PTPRD: variants seen among roughly 807,000 people sequenced by gnomAD.
PTPRD encodes the protein receptor-type tyrosine-protein phosphatase delta.
In PTPRD, 34 loss-of-function variants were observed where a neutral mutation model predicts 214.5. The ratio of observed to expected loss-of-function variants is 0.16; its 90% CI spans 0.12 to 0.21. The LOEUF is 0.21. PTPRD is among the 10% of genes least tolerant of loss of function. The pLI is 1.00. For synonymous variants in PTPRD, 1,128 were observed against 845.7 expected (o/e 1.33, Z -5.79); for missense variants, 2,545 against 2,398.7 (o/e 1.06, Z -1.27).
At chr9:9,627,843 T>C (rs909170768) in intron 7 of PTPRD, among the ~76,000 whole-genome samples, 6 of 152,192 alleles carry the variant, frequency 3.9e-5, no homozygotes, top group African/African-American at 9.7e-5. Flanking sequence ...TTAGGTACTA[T>C]GCTAGGTGCT....
At chr9:9,571,085 G>A (rs2086236274) in intron 8 of PTPRD, among the ~76,000 whole-genome samples, 1 of 151,306 alleles carries the variant, frequency 6.6e-6, no homozygotes, top group African/African-American at 2.4e-5. Context: ...AACATTCTAA[G>A]AACGTATTTA....
At chr9:9,792,943 T>G (rs16930334) in intron 5 of PTPRD, among the ~76,000 whole-genome samples, 1,914 of 152,226 alleles carry the variant, frequency 0.013, 45 homozygotes, top group African/African-American at 0.044. Flanking sequence ...CTTAATAGAC[T>G]TGGGCAAACA....
chr9:10,098,012 T>G (rs1169069695), intron 3 of PTPRD, among the ~76,000 whole-genome samples: 2 of 151,820 alleles, frequency 1.3e-5, no homozygotes, highest in Non-Finnish European at 2.9e-5. Context: ...CAAAGGATTA[T>G]AAATCATGCT....
intron 11 of PTPRD, among the ~76,000 whole-genome samples, chr9:8,791,826 T>G (rs1324583890): frequency 6.6e-6 from 1 of 152,060 alleles, no homozygotes. Context: ...TTGACCCAGG[T>G]GTTTTAACTT....
intron 7 of PTPRD, among the ~76,000 whole-genome samples, chr9:9,616,108 T>C (rs1267065082): frequency 3.3e-5 from 5 of 152,192 alleles, no homozygotes; most frequent in African/African-American, 1.2e-4. Flanking sequence ...TCTGCCAAAT[T>C]GATACGGTAA....
At chr9:9,621,980 C>T (rs867671976) in intron 7 of PTPRD, among the ~76,000 whole-genome samples, 6 of 152,086 alleles carry the variant, frequency 3.9e-5, no homozygotes, top group South Asian at 2.1e-4. Flanking sequence ...TGAACGGAGG[C>T]GAGGAGACCT....
At chr9:9,336,955 A>G (rs1196975891) in intron 9 of PTPRD, among the ~76,000 whole-genome samples, 1 of 152,178 alleles carries the variant, frequency 6.6e-6, no homozygotes, top group Non-Finnish European at 1.5e-5. Flanking sequence ...TTTTTTACAC[A>G]TATCTTTATA....
intron 5 of PTPRD, among the ~76,000 whole-genome samples, chr9:9,897,162 C>CACACT (rs1555295659): frequency 1.0e-3 from 123 of 123,174 alleles, no homozygotes; most frequent in Non-Finnish European, 1.7e-3. Context: ...ACACACACAC[C>CACACT]GCTGCTAAAC....
chr9:8,736,480 A>G (rs1251266541), intron 11 of PTPRD, among the ~76,000 whole-genome samples: 1 of 152,240 alleles, frequency 6.6e-6, no homozygotes, highest in Non-Finnish European at 1.5e-5. Flanking sequence ...GAAATACTAG[A>G]GATATCCAGC....
intron 25 of PTPRD, among the ~76,000 whole-genome samples, chr9:8,497,630 T>C (rs577357933): frequency 1.6e-4 from 25 of 152,220 alleles, no homozygotes; most frequent in Non-Finnish European, 3.4e-4. Context: ...ATTAATATCT[T>C]TCATTATATT....
chr9:8,512,184 T>C (rs1329748487), intron 21 of PTPRD, among the ~76,000 whole-genome samples: 1 of 151,960 alleles, frequency 6.6e-6, no homozygotes, highest in Non-Finnish European at 1.5e-5. Flanking sequence ...TAAATGATAA[T>C]GACAATAAAA....
At chr9:8,954,381 C>G (rs928921329) in intron 11 of PTPRD, among the ~76,000 whole-genome samples, 1 of 151,772 alleles carries the variant, frequency 6.6e-6, no homozygotes, top group South Asian at 2.1e-4. Context: ...GAAAACCTAC[C>G]TATTGGGTAT....
intron 3 of PTPRD, among the ~76,000 whole-genome samples, chr9:10,298,981 C>G (rs1312255577): frequency 6.6e-6 from 1 of 151,986 alleles, no homozygotes; most frequent in Non-Finnish European, 1.5e-5. Flanking sequence ...GTAAACTAAG[C>G]TGAAATAGAA....
chr9:9,933,431 G>C (rs1393234453), intron 5 of PTPRD, among the ~76,000 whole-genome samples: 5 of 151,714 alleles, frequency 3.3e-5, no homozygotes, highest in African/African-American at 4.9e-5. Flanking sequence ...TGCAATCCTA[G>C]TTTCTGATAA....
chr9:10,378,322 A>G (rs1481162893), intron 2 of PTPRD, among the ~76,000 whole-genome samples: 2 of 151,968 alleles, frequency 1.3e-5, no homozygotes, highest in African/African-American at 2.4e-5. Flanking sequence ...ACTTAATGTG[A>G]TCCCTTCTGT....
intron 2 of PTPRD, among the ~76,000 whole-genome samples, chr9:10,584,254 A>G (rs887647897): frequency 3.3e-5 from 5 of 152,146 alleles, no homozygotes; most frequent in African/African-American, 1.2e-4. Flanking sequence ...ATGAAAAAGC[A>G]TAAGCCTAGG....
chr9:9,631,571 T>A (rs2095596721), intron 7 of PTPRD, among the ~76,000 whole-genome samples: 1 of 152,142 alleles, frequency 6.6e-6, no homozygotes, highest in Non-Finnish European at 1.5e-5. Flanking sequence ...GTTTCAGAGT[T>A]GTATTACAAG....
intron 11 of PTPRD, among the ~76,000 whole-genome samples, chr9:9,014,261 T>A (rs2099525034): frequency 6.7e-6 from 1 of 150,302 alleles, no homozygotes; most frequent in African/African-American, 2.5e-5. Flanking sequence ...TATCTTTGAA[T>A]AAAACTTCTC....
chr9:8,719,861 AG>A (rs1320586711), intron 12 of PTPRD, among the ~76,000 whole-genome samples: 3 of 151,384 alleles, frequency 2.0e-5, no homozygotes, highest in Non-Finnish European at 2.9e-5. Flanking sequence ...AAAAAGAAAA[AG>A]AAAAAAAAAA....
Sources: allele counts gnomAD v4.1 joint callset (sites outside exome capture counted in the v4.1 genomes callset), GRCh38; gene constraint gnomAD v4.1.1; transcripts MANE v1.5; gene names NCBI Gene and HGNC (gene_info 2026-07-23, HGNC 2026-07-21).